The following B3GNT5 variants were observed in gnomAD, a reference collection of about 807,000 sequenced individuals.
The protein encoded by B3GNT5 is UDP-GlcNAc:betaGal beta-1,3-N-acetylglucosaminyltransferase 5.
Under a neutral mutation model 25.9 loss-of-function variants are expected in B3GNT5, and 11 were observed. The observed-to-expected ratio is 0.42, with a 90% CI of 0.27 to 0.70. B3GNT5 has a LOEUF of 0.70. B3GNT5 is among the 30% of genes least tolerant of loss of function. B3GNT5 has a pLI of 0.23. For synonymous variants in B3GNT5, 166 were observed against 158.6 expected (o/e 1.05, Z -0.35); for missense variants, 385 against 458.4 (o/e 0.84, Z 1.46).
rs373173698 is a variant in B3GNT5 at position 183,254,567 on chromosome 3, C to A, written c.-302+1095C>A. ...TTCCCGGGGCCTGCGGGTCCCCGTC[C>A]CTGAGGAGCTCCGGCTCCTCGGTGG... On this transcript the variant is annotated intron_variant, in intron 1 of 1. Transcript: ENST00000326505. 2.0e-5 allele frequency: 3 copies of A among 152,224 alleles called. No individual in the cohort carries two copies. The East Asian group carries it at 5.8e-4, about 29-fold the overall frequency. The allele number at this position is 152,224 out of a possible 1,614,324, so 9.4% of individuals were successfully genotyped here. A position where few individuals can be genotyped will look rare whatever the true frequency, so the allele number is the denominator to read the frequency against.
chr3:183,271,016 T>C lies in B3GNT5; in HGVS notation c.*81T>C. The stretch of plus-strand genomic sequence containing the variant: ...AACCTTTAAATGTTCGTCTATACCC[T>C]AAGTAAAATGAGGACGAAAGACAAA... On this transcript the variant is annotated 3_prime_UTR_variant, in exon 2 of 2. Transcript: ENST00000326505. 1 of 1,306,616 alleles carries C rather than the reference T, an allele frequency of 7.7e-7. No individual in the cohort carries two copies. Among genetic ancestry groups the C allele is most frequent in the Non-Finnish European group, 1.0e-6 (1 of 963,226 alleles). The allele number at this position is 1,306,616 out of a possible 1,614,324, so 80.9% of individuals were successfully genotyped here.
At chr3:183,266,569 T>C (rs1050332359) in intron 1 of B3GNT5, among the ~76,000 whole-genome samples, 1 of 152,224 alleles carries the variant, frequency 6.6e-6, no homozygotes, top group Non-Finnish European at 1.5e-5. Context: ...GGATGGTTGT[T>C]ATCTGGATGA....
In B3GNT5 at chr3:183,271,596, A is replaced by G. The variant is rs574759138; in HGVS notation, c.*661A>G. ...ATGTGAACTTTTAGAAAAGTGATTA[A>G]TGTTGCCCTAATACTTTATATGTTT... On this transcript the variant is annotated 3_prime_UTR_variant, in exon 2 of 2. Transcript: ENST00000326505. 2.7e-4 allele frequency: 45 copies of G among 167,178 alleles called. No individual in the cohort carries two copies. The highest frequency in any genetic ancestry group is 1.1e-3 in the African/African-American group (44 of 41,574). The allele number at this position is 167,178 out of a possible 1,614,324, so 10.4% of individuals were successfully genotyped here.
rs893803110 is a variant in B3GNT5, at chr3:183,263,685, A to AC, written c.-301-5808dup. 5.3e-5 allele frequency among the ~76,000 whole-genome samples: 8 copies of AC among 151,860 alleles called. No homozygotes were observed. In the East Asian group the frequency reaches 9.7e-4, roughly 18 times the overall value. The stretch of plus-strand genomic sequence containing the variant: ...CCTGTCTAACTCGTCTTAGATTATT[A>AC]CCCCCTGGACATCTGTACCTTCTTG... On this transcript the variant is annotated intron_variant, in intron 1 of 1. Coordinates refer to ENST00000326505, the MANE Select transcript of B3GNT5 (RefSeq NM_032047.5).
At chr3:183,269,242 T>G (rs1400997640) in intron 1 of B3GNT5, among the ~76,000 whole-genome samples, 2 of 148,264 alleles carry the variant, frequency 1.3e-5, no homozygotes, top group African/African-American at 5.1e-5. Context: ...TTTTTTTTTT[T>G]TTTTTTAAGA....
intron 1 of B3GNT5, among the ~76,000 whole-genome samples, chr3:183,266,844 T>C (rs903798284): frequency 6.6e-6 from 1 of 151,750 alleles, no homozygotes; most frequent in African/African-American, 2.4e-5. Flanking sequence ...TGGAGTGCAG[T>C]GGCACGATCT....
chr3:183,264,678 T>C (rs1452896767), intron 1 of B3GNT5, among the ~76,000 whole-genome samples: 1 of 152,192 alleles, frequency 6.6e-6, no homozygotes, highest in Non-Finnish European at 1.5e-5. Context: ...GTTTCACATA[T>C]TATCTCAGCA....
Position 183,273,163 on chromosome 3 carries a change from A to G in B3GNT5, c.*2228A>G, listed in dbSNP as rs1257291427. 36 of 551,630 alleles carry G rather than the reference A, an allele frequency of 6.5e-5. No homozygotes were observed. The East Asian group carries it at 1.2e-3, about 19-fold the overall frequency. The allele number at this position is 551,630 out of a possible 1,614,324, so 34.2% of individuals were successfully genotyped here. A position where few individuals can be genotyped will look rare whatever the true frequency, so the allele number is the denominator to read the frequency against. Reference sequence around the variant, plus strand: ...TTTTAAAAAATGTCAACAAAGGGAAAATAAACTATCAGCTTGGATGGTCAC... The same window carrying G: ...TTTTAAAAAATGTCAACAAAGGGAAGATAAACTATCAGCTTGGATGGTCAC... On this transcript the variant is annotated 3_prime_UTR_variant, in exon 2 of 2. Transcript: ENST00000326505.
intron 1 of B3GNT5, among the ~76,000 whole-genome samples, chr3:183,261,001 T>C (rs1725529826): frequency 6.6e-6 from 1 of 152,240 alleles, no homozygotes; most frequent in Non-Finnish European, 1.5e-5. Flanking sequence ...TAGAATTTCT[T>C]TTCTTTTTTA....
intron 1 of B3GNT5, chr3:183,253,736 GGCGTTCCCT>G (rs1724732283): frequency 6.6e-6 from 1 of 152,456 alleles, no homozygotes; most frequent in Non-Finnish European, 1.5e-5. Flanking sequence ...GAGGAACCGC[GGCGTTCCCT>G]GGGCGTAGGG....
In B3GNT5 at chr3:183,269,805, A is replaced by G. The variant is rs376525318; in HGVS notation, c.7A>G (p.Met3Val). The change falls in exon 2 of 2, where the codon ATG becomes GTG. Residue 3 changes from methionine to valine, a missense_variant. Transcript: ENST00000326505. ...AAAACAGACTTGAGTGGATATGAGA[A>G]TGTTGGTTAGTGGCAGAAGAGTCAA... MR[M>V]LVSGRRVKKW... The G allele has an allele frequency of 3.7e-6, 6 of 1,603,254 alleles. No homozygotes were observed. Among genetic ancestry groups the G allele is most frequent in the Non-Finnish European group, 5.1e-6 (6 of 1,174,974 alleles).
At position 183,272,126 on chromosome 3, in the gene B3GNT5, A is replaced by G; in HGVS notation, c.*1191A>G. 1 of 999,934 alleles carries G rather than the reference A, an allele frequency of 1.0e-6. No homozygotes were observed. The highest frequency in any genetic ancestry group is 1.2e-6 in the Non-Finnish European group (1 of 829,652). 61.9% of individuals were successfully genotyped at this position (999,934 alleles called of 1,614,324 possible). On this transcript the variant is annotated 3_prime_UTR_variant, in exon 2 of 2. Coordinates refer to ENST00000326505, the MANE Select transcript of B3GNT5 (RefSeq NM_032047.5). The stretch of plus-strand genomic sequence containing the variant: ...GTAAAAAAGTGATAGAAAAGTTGCC[A>G]GTTTGGGGTTAAAGCATTTTTAAAG...
At position 183,269,581 on chromosome 3, in the gene B3GNT5, C is replaced by T. The variant is rs1475155284; in HGVS notation, c.-218C>T. The stretch of plus-strand genomic sequence containing the variant: ...GGATGCCCGTGTGGAAGAATTTTGA[C>T]GTGCCAGTGTCCTCGTTCTACAGGG... On this transcript the variant is annotated 5_prime_UTR_variant, in exon 2 of 2. The change creates a new upstream start codon in the 5' untranslated region. Coordinates refer to ENST00000326505, the MANE Select transcript of B3GNT5 (RefSeq NM_032047.5). 2.4e-5 allele frequency: 11 copies of T among 462,902 alleles called. No individual in the cohort carries two copies. The highest frequency in any genetic ancestry group is 3.8e-5 in the Non-Finnish European group (10 of 266,622). 28.7% of individuals were successfully genotyped at this position (462,902 alleles called of 1,614,324 possible).
Position 183,272,452 on chromosome 3 carries a change from A to G in B3GNT5, c.*1517A>G, listed in dbSNP as rs1726859731. Reference sequence around the variant, plus strand: ...AAAACAAAACGAAAAAAGATTTCTCAGTATACACAACTGAATGATGATACT... The same window carrying G: ...AAAACAAAACGAAAAAAGATTTCTCGGTATACACAACTGAATGATGATACT... On this transcript the variant is annotated 3_prime_UTR_variant, in exon 2 of 2. Coordinates refer to ENST00000326505, the MANE Select transcript of B3GNT5 (RefSeq NM_032047.5). 3 of 999,968 alleles carry G rather than the reference A, an allele frequency of 3.0e-6. No individual in the cohort carries two copies. Among genetic ancestry groups the G allele is most frequent in the African/African-American group, 3.5e-5 (2 of 57,262 alleles). The allele number at this position is 999,968 out of a possible 1,614,324, so 61.9% of individuals were successfully genotyped here. A position where few individuals can be genotyped will look rare whatever the true frequency, so the allele number is the denominator to read the frequency against.
At chr3:183,263,182 G>A (rs1420986473) in intron 1 of B3GNT5, among the ~76,000 whole-genome samples, 3 of 152,240 alleles carry the variant, frequency 2.0e-5, no homozygotes, top group South Asian at 4.1e-4. Context: ...GGCTGATAAG[G>A]TGTCTTGAGT....
intron 1 of B3GNT5, among the ~76,000 whole-genome samples, chr3:183,261,127 G>A (rs1725539678): frequency 6.6e-6 from 1 of 152,088 alleles, no homozygotes. Flanking sequence ...AACAGACTAG[G>A]CAATTAGTAC....
chr3:183,270,433 A>T lies in B3GNT5; in HGVS notation c.635A>T (p.Gln212Leu), dbSNP rs780183264. ...ATTGAGTACCTTCAAAGTTTAGAAC[A>T]AATTGGTGTTCAAGACTTTTGGATT... ...NLIEYLQSLE[Q>L]IGVQDFWIGR... Residue 212 changes from glutamine to leucine, a missense_variant, in exon 2 of 2, where the codon CAA (glutamine) becomes CTA (leucine). Coordinates refer to ENST00000326505, the MANE Select transcript of B3GNT5 (RefSeq NM_032047.5). The surrounding 1 kb of genome is among the most constrained non-coding windows in gnomAD (Gnocchi z 4.5). The T allele has an allele frequency of 6.2e-7, 1 of 1,614,208 alleles. No homozygotes were observed. The highest frequency in any genetic ancestry group is 8.5e-7 in the Non-Finnish European group (1 of 1,180,040).
chr3:183,270,105 C>T lies in B3GNT5; in HGVS notation c.307C>T (p.Arg103Ter), dbSNP rs763587705. 5 of 1,614,070 alleles carry T rather than the reference C, an allele frequency of 3.1e-6. No individual in the cohort carries two copies. The highest frequency in any genetic ancestry group is 2.2e-5 in the East Asian group (1 of 44,872). Residue 103 changes from arginine (R) to a stop codon, truncating the protein, a stop_gained, in exon 2 of 2, where the codon CGA (arginine) becomes TGA (stop). Coordinates refer to ENST00000326505, the MANE Select transcript of B3GNT5 (RefSeq NM_032047.5). LOFTEE classifies it high-confidence loss of function. The surrounding 1 kb of genome is among the most constrained non-coding windows in gnomAD (Gnocchi z 4.5). ...AAAAACTGCTCCTGAAAACTATGAT[C>T]GACGTTCCGGAATTAGAAGGACGTG... ...FVKTAPENYD[R>*]RSGIRRTWGN...
rs1304142948 is a variant in B3GNT5 at position 183,271,549 on chromosome 3, T to C, written c.*614T>C. On this transcript the variant is annotated 3_prime_UTR_variant, in exon 2 of 2. Transcript: ENST00000326505. ...GTTAGAGTCATTAAAATACCTTTTT[T>C]TGCATCTTTTTTCAAAGTTTAATGT... The C allele has an allele frequency of 6.0e-6, 1 of 167,082 alleles. No individual in the cohort carries two copies. Among genetic ancestry groups the C allele is most frequent in the African/African-American group, 2.4e-5 (1 of 41,456 alleles). The allele number at this position is 167,082 out of a possible 1,614,324, so 10.3% of individuals were successfully genotyped here. A position where few individuals can be genotyped will look rare whatever the true frequency, so the allele number is the denominator to read the frequency against.
Sources: gnomAD v4.1 joint callset for allele counts (sites outside exome capture counted in the v4.1 genomes callset) on GRCh38, gnomAD v4.1.1 for gene constraint, Gnocchi (gnomAD v3.1) non-coding constraint, MANE v1.5 for transcripts, NCBI Gene and HGNC (gene_info 2026-07-23, HGNC 2026-07-21) for gene names.